C22orf42: variants seen among roughly 807,000 people sequenced by gnomAD.
C22orf42 encodes the protein uncharacterized protein C22orf42.
In C22orf42, 24 loss-of-function variants were observed where a neutral mutation model predicts 31.4. The ratio of observed to expected loss-of-function variants is 0.77; its 90% confidence interval spans 0.55 to 1.08. The LOEUF is 1.08. Among genes scored for constraint, C22orf42 ranks in the 50% least tolerant of loss-of-function variants. The pLI is 0.00. For missense variants in C22orf42, 276 were observed against 327.3 expected, an observed-to-expected ratio of 0.84 and a Z score of 1.21; for synonymous variants, 96 against 112.7, an observed-to-expected ratio of 0.85 and a Z score of 0.94.
At chr22:32,160,279 G>A (rs1416102792), upstream of C22orf42, 1 of 152,186 alleles carries the variant, frequency 6.6e-6, no homozygotes, top group Non-Finnish European at 1.5e-5. Flanking sequence ...CATGCTTGGA[G>A]GGGAAGTGAC....
chr22:32,156,994 A>C (rs1403137025), intron 1 of C22orf42, among the ~76,000 whole-genome samples: 1 of 152,218 alleles, frequency 6.6e-6, no homozygotes, highest in Non-Finnish European at 1.5e-5. Flanking sequence ...CAAAGAATGT[A>C]TTGCCACGTT....
At chr22:32,151,318 A>G (rs932402323) in intron 5 of C22orf42, among the ~76,000 whole-genome samples, 169 bp downstream of exon 5, 14 of 152,218 alleles carry the variant, frequency 9.2e-5, no homozygotes, top group African/African-American at 3.1e-4. Flanking sequence ...TTTGACGGCC[A>G]TCGTCAATCA....
intron 1 of C22orf42, among the ~76,000 whole-genome samples, chr22:32,156,341 A>G (rs1372591964): frequency 1.3e-5 from 2 of 151,974 alleles, no homozygotes; most frequent in African/African-American, 4.8e-5. Flanking sequence ...CACCTAACTT[A>G]AAACATTGAG....
chr22:32,152,111 G>C lies in C22orf42; in HGVS notation c.373-17C>G, dbSNP rs750171281. On this transcript the variant is annotated splice_polypyrimidine_tract_variant and intron_variant, in intron 3 of 8. Transcript: ENST00000382097. ...AGGTATTTCCTGCAATAAGAGAAAA[G>C]AAAAAGAAACACCATGAGGATCAGA... 3.7e-6 allele frequency: 6 copies of C among 1,603,996 alleles called. No individual in the cohort carries two copies. The South Asian group carries it at 6.8e-5, about 18-fold the overall frequency.
chr22:32,153,857 CA>C (rs34792152), intron 2 of C22orf42, among the ~76,000 whole-genome samples: 24,875 of 122,886 alleles, frequency 0.2, 2,974 homozygotes, highest in African/African-American at 0.37. Context: ...CCCATCTCTA[CA>C]AAAAAAAAAA....
At chr22:32,158,289 CT>C (rs2149514763) in intron 1 of C22orf42, among the ~76,000 whole-genome samples, 1 of 152,300 alleles carries the variant, frequency 6.6e-6, no homozygotes, top group South Asian at 2.1e-4. Flanking sequence ...AGGGACTACA[CT>C]GTAGTAGGGC....
At position 32,151,491 on chromosome 22, in the gene C22orf42, T is replaced by G. The variant is rs753906356; in HGVS notation, c.461A>C (p.Asp154Ala). The G allele has an allele frequency of 6.2e-7, 1 of 1,613,162 alleles. No homozygotes were observed. The highest frequency in any genetic ancestry group is 1.3e-5 in the African/African-American group (1 of 74,928). ...HGGVEENITS[D>A]IEISEAKHDH... ...AGAGAAAGAAATACATCTTACAATA[T>G]CTGACGTTATATTCTCCTCCACACC... Residue 154 changes from aspartate (D) to alanine (A), a missense_variant, in exon 5 of 9, where the codon GAT becomes GCT. By Grantham distance (126) the Asp-to-Ala change is moderately radical. Coordinates refer to ENST00000382097, the MANE Select transcript of C22orf42 (RefSeq NM_001010859.3).
rs767782407 is a variant in C22orf42 at position 32,149,759 on chromosome 22, A to T, written c.676T>A (p.Tyr226Asn). The T allele has an allele frequency of 2.7e-6, 4 of 1,461,340 alleles. No homozygotes were observed. The Admixed American group carries it at 9.2e-5, about 34-fold the overall frequency. 90.5% of individuals were successfully genotyped at this position (1,461,340 alleles called of 1,614,324 possible). The change falls in exon 8 of 9, where the codon TAC becomes AAC. Residue 226 changes from tyrosine to asparagine, a missense_variant. Physicochemically the swap from Tyr to Asn is moderately radical, Grantham distance 143 (BLOSUM62 -2). Coordinates refer to ENST00000382097, the MANE Select transcript of C22orf42 (RefSeq NM_001010859.3). The part of the protein sequence containing the change: ...PEMAKERYED[Y>N]LCWVKMARSR... ...TAGATATATATATACTTACAGAGGT[A>T]ATCTTCATATCTCTCCTTTGCCTGC...
intron 5 of C22orf42, among the ~76,000 whole-genome samples, 183 bp downstream of exon 5, chr22:32,151,304 G>A (rs556123073): frequency 2.0e-5 from 3 of 152,160 alleles, no homozygotes; most frequent in African/African-American, 4.8e-5. Context: ...AAGTGATGCC[G>A]TCCTTTGACG....
At chr22:32,149,725 A>C (rs771918850) in intron 8 of C22orf42, 28 bp downstream of exon 8, 6 of 1,224,144 alleles carry the variant, frequency 4.9e-6, no homozygotes, top group Admixed American at 3.4e-5. Context: ...ATATATATCT[A>C]TATATATCTA....
rs779499120 is a variant in C22orf42 at position 32,152,626 on chromosome 22, C to T, written c.308G>A (p.Gly103Asp). 76 of 1,613,576 alleles carry T rather than the reference C, an allele frequency of 4.7e-5. No individual in the cohort carries two copies. The highest frequency in any genetic ancestry group is 6.1e-5 in the Non-Finnish European group (72 of 1,179,624). ...AGACGCCTGCACATCTTCAGTGGGA[C>T]CTAGGAGAACACAGAGTGACAGTCA... ...RHGIWPLENIGPTEDVQASAH... is the reference protein window; with the variant it reads ...RHGIWPLENIDPTEDVQASAH... The change falls in exon 3 of 9, where the codon GGT (glycine) becomes GAT (aspartate). Residue 103 changes from glycine (G) to aspartate (D), a missense_variant and splice_region_variant. Transcript: ENST00000382097.
chr22:32,152,468 A>T, intron 3 of C22orf42, 94 bp downstream of exon 3: 1 of 1,088,024 alleles, frequency 9.2e-7, no homozygotes, highest in Non-Finnish European at 1.4e-6. Context: ...GGCCTGAATC[A>T]TGATGGCAGT....
In C22orf42 at chr22:32,154,330, A is replaced by G. The variant is rs772884885; in HGVS notation, c.233-12T>C. Reference sequence around the variant, plus strand: ...GCGGGCGTCCAAACCTGCAAGGTAGAGCAGACTTCTTATAGATTCTAGGAA... The same window carrying G: ...GCGGGCGTCCAAACCTGCAAGGTAGGGCAGACTTCTTATAGATTCTAGGAA... On this transcript the variant is annotated splice_polypyrimidine_tract_variant and intron_variant, in intron 1 of 8. Transcript: ENST00000382097. 11 of 1,609,678 alleles carry G rather than the reference A, an allele frequency of 6.8e-6. No homozygotes were observed. In the East Asian group the frequency reaches 2.5e-4, roughly 36 times the overall value.
chr22:32,150,752 A>G, intron 6 of C22orf42: 2 of 634,734 alleles, frequency 3.2e-6, no homozygotes, highest in East Asian at 2.7e-5. Flanking sequence ...ACTGTACTAT[A>G]GAAACAGGAA....
Position 32,152,613 on chromosome 22 carries a change from A to G in C22orf42, c.321T>C (p.Asp107=), listed in dbSNP as rs529843545. 45 of 1,613,810 alleles carry G rather than the reference A, an allele frequency of 2.8e-5. No individual in the cohort carries two copies. The highest frequency in any genetic ancestry group is 3.3e-4 in the Middle Eastern group (2 of 6,054). Residue 107 remains aspartate, a synonymous_variant, in exon 3 of 9, where the codon GAT becomes GAC. Coordinates refer to ENST00000382097, the MANE Select transcript of C22orf42 (RefSeq NM_001010859.3). ...WPLENIGPTE[D]VQASAHGGVE... ...CACCGCCGTGTGCAGACGCCTGCAC[A>G]TCTTCAGTGGGACCTAGGAGAACAC... is the stretch of plus-strand genomic sequence containing the variant.
Position 32,150,372 on chromosome 22 carries a change from C to T in C22orf42, c.601G>A (p.Gly201Ser), listed in dbSNP as rs2094110568. The change falls in exon 7 of 9, where the codon GGT becomes AGT. Residue 201 changes from glycine to serine, a missense_variant. Coordinates refer to ENST00000382097, the MANE Select transcript of C22orf42 (RefSeq NM_001010859.3). ...SVSLEDFMTS[G>S]LSESLSVSLE... Reference sequence around the variant, plus strand: ...GAGACAGATAGGCTTTCACTGAGACCTGATGTCATGAAGTCTTCAAGAGAG... The same window carrying T: ...GAGACAGATAGGCTTTCACTGAGACTTGATGTCATGAAGTCTTCAAGAGAG... 6.2e-7 allele frequency: 1 copy of T among 1,614,128 alleles called. No homozygotes were observed. Among genetic ancestry groups the T allele is most frequent in the Admixed American group, 1.7e-5 (1 of 60,020 alleles).
At chr22:32,155,282 A>G (rs760802445) in intron 1 of C22orf42, among the ~76,000 whole-genome samples, 1 of 152,122 alleles carries the variant, frequency 6.6e-6, no homozygotes, top group Non-Finnish European at 1.5e-5. Flanking sequence ...GCATTTACTC[A>G]CCTGGTCTAT....
At chr22:32,155,876 T>C (rs1177793652) in intron 1 of C22orf42, among the ~76,000 whole-genome samples, 1 of 152,058 alleles carries the variant, frequency 6.6e-6, no homozygotes, top group Non-Finnish European at 1.5e-5. Context: ...TTACAAAAAA[T>C]GTTTTAAAAA....
chr22:32,152,373 G>A (rs1603178983), intron 3 of C22orf42, among the ~76,000 whole-genome samples, 189 bp downstream of exon 3: 2 of 152,314 alleles, frequency 1.3e-5, no homozygotes, highest in East Asian at 3.9e-4. Context: ...GTTTGTAAGT[G>A]ATGCCGTCCT....
Sources: gnomAD v4.1 joint callset for allele counts (sites outside exome capture counted in the v4.1 genomes callset) on GRCh38, gnomAD v4.1.1 for gene constraint, MANE v1.5 for transcripts, NCBI Gene and HGNC (gene_info 2026-07-23, HGNC 2026-07-21) for gene names.